The following ESR2 variants were observed in gnomAD, a reference collection of about 807,000 sequenced individuals.
ESR2 encodes estrogen receptor 2.
In ESR2, 36 loss-of-function variants were observed where a neutral mutation model predicts 49.6. The ratio of observed to expected loss-of-function variants is 0.73; its 90% CI spans 0.56 to 0.96. The LOEUF (loss-of-function observed/expected upper bound fraction) is 0.96. Among genes scored for constraint, ESR2 ranks in the 40% least tolerant of loss-of-function variants. ESR2 has a pLI of 0.00. For synonymous variants in ESR2, 320 were observed against 266.1 expected (o/e 1.20, Z -1.97); for missense variants, 714 against 693.0 (o/e 1.03, Z -0.34).
At chr14:64,243,803 T>A (rs1420851498) in intron 7 of ESR2, among the ~76,000 whole-genome samples, 3 of 152,198 alleles carry the variant, frequency 2.0e-5, no homozygotes, top group African/African-American at 4.8e-5. Context: ...TTCTGATGGT[T>A]CTTTCCCTGT....
At chr14:64,227,265 G>A (rs2098722230), downstream of ESR2, 11 of 479,120 alleles carry the variant, frequency 2.3e-5, no homozygotes, top group South Asian at 3.0e-4. Flanking sequence ...TTCTACATTG[G>A]TGCCCCTCAT....
intron 1 of ESR2, among the ~76,000 whole-genome samples, chr14:64,327,140 C>A (rs1046358238): frequency 1.9e-4 from 29 of 151,666 alleles, no homozygotes; most frequent in African/African-American, 6.3e-4. Flanking sequence ...TTTTTTTGTT[C>A]CACCTTTTCT....
At chr14:64,269,097 G>C in intron 3 of ESR2, among the ~76,000 whole-genome samples, 186 bp from the exon 4 acceptor site, 1 of 152,136 alleles carries the variant, frequency 6.6e-6, no homozygotes, top group East Asian at 1.9e-4. Context: ...GGAGACCTAG[G>C]AACATTTCAA....
upstream of ESR2, among the ~76,000 whole-genome samples, chr14:64,297,179 T>C (rs560100785): frequency 2.6e-5 from 4 of 152,288 alleles, 1 homozygote; most frequent in South Asian, 8.3e-4. Context: ...GGGATTGAAA[T>C]TGTCACCATT....
In ESR2 at chr14:64,233,213, G is replaced by A. The variant is rs765586360; in HGVS notation, c.1517C>T (p.Ser506Phe). The change falls in exon 9 of 9, where the codon TCC becomes TTC. Residue 506 changes from serine (S) to phenylalanine (F), a missense_variant. By Grantham distance (155) the Ser-to-Phe change is radical (BLOSUM62 -2). Coordinates refer to ENST00000341099, the MANE Select transcript of ESR2 (RefSeq NM_001437.3). Reference protein sequence around the residue: ...NAHVLRGCKSSITGSECSPAE... With the variant: ...NAHVLRGCKSFITGSECSPAE... The stretch of plus-strand genomic sequence containing the variant: ...CGGGCTGCACTCGGACCCCGTGATG[G>A]AGGACTTGCACCCGCGAAGCACGTG... The A allele has an allele frequency of 2.5e-6, 4 of 1,614,164 alleles. No homozygotes were observed. The highest frequency in any genetic ancestry group is 2.2e-5 in the East Asian group (1 of 44,886).
At chr14:64,300,383 C>T (rs2077008659) in intron 1 of ESR2, among the ~76,000 whole-genome samples, 1 of 152,188 alleles carries the variant, frequency 6.6e-6, no homozygotes, top group Non-Finnish European at 1.5e-5. Context: ...TCTCATCCTA[C>T]CTCTACCCTC....
At chr14:64,289,185 G>A (rs576501943) in intron 1 of ESR2, among the ~76,000 whole-genome samples, 4 of 151,974 alleles carry the variant, frequency 2.6e-5, no homozygotes, top group Admixed American at 6.6e-5. Flanking sequence ...ACCTTTTCAC[G>A]GTGCTCTGAG....
At chr14:64,272,759 G>A (rs1389567737) in intron 3 of ESR2, among the ~76,000 whole-genome samples, 1 of 152,060 alleles carries the variant, frequency 6.6e-6, no homozygotes, top group African/African-American at 2.4e-5. Flanking sequence ...CGTTGTTTTG[G>A]TTGCTATAGC....
intron 1 of ESR2, among the ~76,000 whole-genome samples, chr14:64,321,576 G>A (rs1453350705): frequency 1.3e-5 from 2 of 152,004 alleles, no homozygotes; most frequent in Non-Finnish European, 2.9e-5. Context: ...AAATAGAGAT[G>A]GACCATTATG....
At chr14:64,234,594 A>T (rs1159579677) in intron 8 of ESR2, 1 of 305,694 alleles carries the variant, frequency 3.3e-6, no homozygotes, top group Admixed American at 4.8e-5. Context: ...CATCTAGGGG[A>T]GCGGGTCTTA....
In ESR2 at chr14:64,292,106, A is replaced by C. The variant is rs1179569431; in HGVS notation, c.-91+1927T>G. Among the ~76,000 whole-genome samples the C allele has an allele frequency of 3.3e-5, 5 of 152,210 alleles. No individual in the cohort carries two copies. The South Asian group carries it at 8.3e-4, about 25-fold the overall frequency. On this transcript the variant is annotated intron_variant, in intron 1 of 8. Transcript: ENST00000341099. ...CCTATATGAATTTAACACTTAGTCC[A>C]AGTCTCAAGTTTCCCATTTGCAAAT...
intron 1 of ESR2, among the ~76,000 whole-genome samples, chr14:64,285,840 A>G (rs1596459187): frequency 6.8e-6 from 1 of 147,298 alleles, no homozygotes; most frequent in Non-Finnish European, 1.5e-5. Context: ...AAAAAAAAAA[A>G]AAGAAAAAGA....
intron 1 of ESR2, chr14:64,337,510 G>A (rs531011580): frequency 6.6e-6 from 1 of 151,878 alleles, no homozygotes; most frequent in East Asian, 1.9e-4. Context: ...TAAAATATCC[G>A]CTTGTGCAAA....
chr14:64,303,156 G>A (rs1317887978), intron 1 of ESR2, among the ~76,000 whole-genome samples: 2 of 152,184 alleles, frequency 1.3e-5, no homozygotes. Flanking sequence ...TAAACCCCGA[G>A]TGGCTTGAAT....
At chr14:64,299,423 C>T (rs1289632720) in intron 1 of ESR2, among the ~76,000 whole-genome samples, 2 of 132,188 alleles carry the variant, frequency 1.5e-5, no homozygotes, top group Non-Finnish European at 1.6e-5. Flanking sequence ...TTTTTTGAGA[C>T]GGAGTCTCGC....
chr14:64,299,551 A>G (rs1322262773), intron 1 of ESR2, among the ~76,000 whole-genome samples: 1 of 152,032 alleles, frequency 6.6e-6, no homozygotes, highest in African/African-American at 2.4e-5. Flanking sequence ...TTTAGTAGAG[A>G]CAGGGTTTCA....
chr14:64,313,963 T>C (rs2077219915), intron 1 of ESR2, among the ~76,000 whole-genome samples: 2 of 150,432 alleles, frequency 1.3e-5, no homozygotes, highest in African/African-American at 2.5e-5. Flanking sequence ...TCTCAGTTGA[T>C]AGAATGAGAT....
chr14:64,283,613 T>TG (rs1193248933), intron 1 of ESR2, among the ~76,000 whole-genome samples: 8 of 151,678 alleles, frequency 5.3e-5, no homozygotes, highest in African/African-American at 1.9e-4. Flanking sequence ...TAGCCAGGAA[T>TG]GGTGGCATGT....
intron 1 of ESR2, among the ~76,000 whole-genome samples, chr14:64,291,043 C>G (rs2076862859): frequency 6.6e-6 from 1 of 152,100 alleles, no homozygotes; most frequent in Admixed American, 6.5e-5. Context: ...TCCCTAACAC[C>G]AACAACAGCC....
Sources: allele counts gnomAD v4.1 joint callset (sites outside exome capture counted in the v4.1 genomes callset), GRCh38; gene constraint gnomAD v4.1.1; transcripts MANE v1.5; gene names NCBI Gene and HGNC (gene_info 2026-07-23, HGNC 2026-07-21).